Variants in TRA2B observed in about 807,000 individuals in gnomAD.
The protein encoded by TRA2B is transformer-2 protein homolog beta.
In TRA2B, 14 loss-of-function variants were observed where a neutral mutation model predicts 41.7. That is an observed-to-expected ratio of 0.34 (90% CI 0.22 to 0.53). TRA2B has a LOEUF of 0.53. Among genes scored for constraint, TRA2B ranks in the 20% least tolerant of loss-of-function variants. TRA2B has a pLI of 0.95. For synonymous variants in TRA2B, 130 were observed against 128.8 expected, an observed-to-expected ratio of 1.01 and a Z score of -0.06; for missense variants, 167 against 396.8, an observed-to-expected ratio of 0.42 and a Z score of 4.92.
chr3:185,920,032 T>C (rs1215267661), intron 6 of TRA2B, among the ~76,000 whole-genome samples: 1 of 152,180 alleles, frequency 6.6e-6, no homozygotes, highest in African/African-American at 2.4e-5. Context: ...TGTCACAATT[T>C]TACTTCATTT....
chr3:185,924,942 C>G (rs1329390354), intron 3 of TRA2B: 1 of 152,230 alleles, frequency 6.6e-6, no homozygotes, highest in East Asian at 1.9e-4. Flanking sequence ...AAATTCTACT[C>G]TACTCTAAAA....
intron 7 of TRA2B, among the ~76,000 whole-genome samples, 158 bp downstream of exon 7, chr3:185,919,279 A>C (rs1743624505): frequency 1.3e-5 from 2 of 152,242 alleles, no homozygotes; most frequent in South Asian, 4.1e-4. Context: ...AAATATACAA[A>C]GACTTTATAC....
chr3:185,935,299 T>C (rs1420428999), intron 1 of TRA2B: 22 of 985,252 alleles, frequency 2.2e-5, no homozygotes, highest in Non-Finnish European at 2.3e-5. Context: ...GCCTGCTAAT[T>C]AGACCCCTAT....
intron 1 of TRA2B, chr3:185,936,733 TG>T: frequency 1.0e-6 from 1 of 985,266 alleles, no homozygotes; most frequent in Non-Finnish European, 1.2e-6. Flanking sequence ...TCAATTTCTA[TG>T]GTGCTTTTCT....
chr3:185,919,322 T>C (rs1743626632), intron 7 of TRA2B, 115 bp downstream of exon 7: 1 of 735,140 alleles, frequency 1.4e-6, no homozygotes, highest in Non-Finnish European at 2.2e-6. Flanking sequence ...TTCATGAGCT[T>C]CAAACAGTCT....
intron 1 of TRA2B, chr3:185,937,175 G>A: frequency 2.0e-6 from 2 of 985,626 alleles, no homozygotes; most frequent in Non-Finnish European, 2.4e-6. Context: ...CAAACACAAA[G>A]CCCTCACGCA....
At chr3:185,925,426 A>C in intron 3 of TRA2B, 38 bp downstream of exon 3, 2 of 1,601,734 alleles carry the variant, frequency 1.2e-6, no homozygotes, top group South Asian at 2.2e-5. Context: ...AAGTAAATTT[A>C]GGCAGTTGAC....
intron 5 of TRA2B, 36 bp from the exon 6 acceptor site, chr3:185,921,223 T>C (rs751036801): frequency 1.3e-5 from 20 of 1,590,674 alleles, no homozygotes; most frequent in Non-Finnish European, 1.6e-5. Context: ...ACCTCCCTTA[T>C]CTTTCTGGAC....
Position 185,926,881 on chromosome 3 carries a change from TG to T in TRA2B, c.37-148del. The T allele has an allele frequency of 6.8e-6, 6 of 878,926 alleles. No individual in the cohort carries two copies. The South Asian group carries it at 1.1e-4, about 16-fold the overall frequency. The allele number at this position is 878,926 out of a possible 1,614,324, so 54.4% of individuals were successfully genotyped here. A position where few individuals can be genotyped will look rare whatever the true frequency, so the allele number is the denominator to read the frequency against. ...AAGGGCAGGAACTGAATATACCTGG[TG>T]TTAATAGTTTCATTGCTCCAAATGA... On this transcript the variant is annotated intron_variant, in intron 1 of 8. Coordinates refer to ENST00000453386, the MANE Select transcript of TRA2B (RefSeq NM_004593.3).
In TRA2B at chr3:185,936,799, A is replaced by T. The variant is rs913371583; in HGVS notation, c.36+1026T>A. 4 of 985,174 alleles carry T rather than the reference A, an allele frequency of 4.1e-6. No homozygotes were observed. In the African/African-American group the frequency reaches 5.2e-5, roughly 13 times the overall value. The allele number at this position is 985,174 out of a possible 1,614,324, so 61.0% of individuals were successfully genotyped here. On this transcript the variant is annotated intron_variant, in intron 1 of 8. Transcript: ENST00000453386. The stretch of plus-strand genomic sequence containing the variant: ...CTAGCAAGCCTCGTATGTTCGCATC[A>T]TTCAATGCTTTCCGAATCCAATACC...
intron 7 of TRA2B, among the ~76,000 whole-genome samples, chr3:185,918,740 G>C (rs146248619): frequency 6.6e-6 from 1 of 152,122 alleles, no homozygotes; most frequent in Non-Finnish European, 1.5e-5. Context: ...GGGTGCGGTG[G>C]CTCAACGCCT....
In TRA2B at chr3:185,915,860, G is replaced by A. The variant is rs1334965652; in HGVS notation, c.*1855C>T. The A allele has an allele frequency of 1.3e-5, 2 of 152,132 alleles. No individual in the cohort carries two copies. The highest frequency in any genetic ancestry group is 4.8e-5 in the African/African-American group (2 of 41,414). The allele number at this position is 152,132 out of a possible 1,614,324, so 9.4% of individuals were successfully genotyped here. A position where few individuals can be genotyped will look rare whatever the true frequency, so the allele number is the denominator to read the frequency against. ...GGTTGGGGAGAAAATGGTGGAGAAT[G>A]TAGTTACTTCAGGAAAGGATGCCTG... On this transcript the variant is annotated 3_prime_UTR_variant, in exon 9 of 9. Transcript: ENST00000453386.
intron 3 of TRA2B, chr3:185,924,844 T>G (rs1321823169): frequency 1.3e-5 from 2 of 151,996 alleles, no homozygotes; most frequent in Non-Finnish European, 2.9e-5. Context: ...GAATAAAGAG[T>G]GAGCCATATG....
At position 185,915,095 on chromosome 3, in the gene TRA2B, A is replaced by G. The variant is rs1434387723; in HGVS notation, c.*2620T>C. The stretch of plus-strand genomic sequence containing the variant: ...ACTTCACAATAGGATTCCTGCTATG[A>G]AAATCTGCTGTTGCTGATCTGACAG... On this transcript the variant is annotated 3_prime_UTR_variant, in exon 9 of 9. Transcript: ENST00000453386. Among the ~76,000 whole-genome samples, 1 of 152,194 alleles carries G rather than the reference A, an allele frequency of 6.6e-6. No individual in the cohort carries two copies. The highest frequency in any genetic ancestry group is 6.5e-5 in the Admixed American group (1 of 15,272).
intron 7 of TRA2B, 89 bp downstream of exon 7, chr3:185,919,347 CA>C (rs1743627568): frequency 9.5e-7 from 1 of 1,049,670 alleles, no homozygotes; most frequent in East Asian, 2.6e-5. Context: ...TTGGGTATTC[CA>C]CTTATAATTT....
intron 1 of TRA2B, chr3:185,934,547 A>G: frequency 2.0e-6 from 2 of 985,442 alleles, no homozygotes; most frequent in Non-Finnish European, 2.4e-6. Context: ...CCGGGTTTCA[A>G]GAGACTGATA....
At position 185,923,557 on chromosome 3, in the gene TRA2B, G is replaced by A. The variant is rs116528921; in HGVS notation, c.522+239C>T. The A allele has an allele frequency of 7.3e-3, 2,417 of 332,916 alleles. 37 individuals are homozygous for A. Among genetic ancestry groups the A allele is most frequent in the African/African-American group, 0.046 (2,187 of 47,154 alleles). The allele number at this position is 332,916 out of a possible 1,614,324, so 20.6% of individuals were successfully genotyped here. Reference sequence around the variant, plus strand: ...GTAAACACTGACTACATATCCTGGCGGAATTGGGGTATAGTTGACCCCAAT... The same window carrying A: ...GTAAACACTGACTACATATCCTGGCAGAATTGGGGTATAGTTGACCCCAAT... On this transcript the variant is annotated intron_variant, in intron 4 of 8. Transcript: ENST00000453386.
In TRA2B at chr3:185,914,743, A is replaced by G. The variant is rs1013748189; in HGVS notation, c.*2972T>C. ...AAAATCCACTGAGATGGCATGCTGA[A>G]GGAATATTGGAGGCGTGTCCACTGC... On this transcript the variant is annotated 3_prime_UTR_variant, in exon 9 of 9. Transcript: ENST00000453386. Among the ~76,000 whole-genome samples the G allele has an allele frequency of 6.6e-6, 1 of 150,626 alleles. No homozygotes were observed. Among genetic ancestry groups the G allele is most frequent in the Non-Finnish European group, 1.5e-5 (1 of 67,912 alleles).
chr3:185,935,227 C>A, intron 1 of TRA2B: 2 of 985,356 alleles, frequency 2.0e-6, no homozygotes, highest in Non-Finnish European at 2.4e-6. Flanking sequence ...GGGGAAGAGT[C>A]TTGAATCCGG....
Sources: allele counts gnomAD v4.1 joint callset (sites outside exome capture counted in the v4.1 genomes callset), GRCh38; gene constraint gnomAD v4.1.1; transcripts MANE v1.5; gene names NCBI Gene and HGNC (gene_info 2026-07-23, HGNC 2026-07-21).